Variants in LRCH1 observed in about 807,000 individuals in gnomAD.
The protein encoded by LRCH1 is leucine-rich repeat and calponin homology domain-containing protein 1.
A neutral mutation model predicts 94.9 loss-of-function variants in LRCH1; 23 were observed. The observed-to-expected ratio is 0.24, with a 90% CI of 0.17 to 0.34. The LOEUF is 0.34. Among genes scored for constraint, LRCH1 ranks in the 10% least tolerant of loss-of-function variants. The probability of loss-of-function intolerance (pLI) is 1.00; values close to 1 mark genes in which losing one functional copy is unlikely to be tolerated. For missense variants in LRCH1, 790 were observed against 945.9 expected (o/e 0.84, Z 2.16); for synonymous variants, 364 against 354.9 (o/e 1.03, Z -0.29).
Position 46,702,224 on chromosome 13 carries a change from A to C in LRCH1, c.1400+1017A>C, listed in dbSNP as rs574865014. On this transcript the variant is annotated intron_variant, in intron 11 of 19. Transcript: ENST00000389797. The stretch of plus-strand genomic sequence containing the variant: ...GAGAAGTTATAAGTGTAACTGGGCC[A>C]GGCGCGGTGGCTCACACCTGTGATC... Among the ~76,000 whole-genome samples the C allele has an allele frequency of 3.3e-5, 5 of 152,224 alleles. No individual in the cohort carries two copies. The South Asian group carries it at 1.0e-3, about 32-fold the overall frequency.
chr13:46,555,425 A>C (rs915650107), intron 1 of LRCH1, among the ~76,000 whole-genome samples: 1 of 152,218 alleles, frequency 6.6e-6, no homozygotes, highest in African/African-American at 2.4e-5. Context: ...TTATTTACAA[A>C]GTTAGGTGAA....
intron 4 of LRCH1, among the ~76,000 whole-genome samples, chr13:46,682,134 G>A (rs1459860583): frequency 6.6e-6 from 1 of 152,116 alleles, no homozygotes; most frequent in African/African-American, 2.4e-5. Flanking sequence ...CTATAACAAA[G>A]AACCACAGAT....
At chr13:46,616,646 A>G (rs1307201213) in intron 1 of LRCH1, among the ~76,000 whole-genome samples, 1 of 152,258 alleles carries the variant, frequency 6.6e-6, no homozygotes, top group African/African-American at 2.4e-5. Flanking sequence ...TTATTTCTGC[A>G]TGAAGGCAAC....
chr13:46,584,588 A>T (rs1164788616), intron 1 of LRCH1, among the ~76,000 whole-genome samples: 1 of 152,176 alleles, frequency 6.6e-6, no homozygotes, highest in Non-Finnish European at 1.5e-5. Flanking sequence ...TCCCATGATG[A>T]TGCAGAGCCC....
intron 19 of LRCH1, among the ~76,000 whole-genome samples, chr13:46,741,065 C>G (rs1043234822): frequency 6.6e-6 from 1 of 152,072 alleles, no homozygotes; most frequent in African/African-American, 2.4e-5. Context: ...ATGTAATGTA[C>G]TTTCTGACAC....
chr13:46,582,510 G>T (rs2050382091), intron 1 of LRCH1, among the ~76,000 whole-genome samples: 1 of 148,848 alleles, frequency 6.7e-6, no homozygotes, highest in Non-Finnish European at 1.5e-5. Context: ...TTGACACAGG[G>T]TCTCATTCTG....
intron 1 of LRCH1, among the ~76,000 whole-genome samples, chr13:46,577,912 T>G (rs1397961370): frequency 1.3e-5 from 2 of 152,218 alleles, no homozygotes; most frequent in African/African-American, 4.8e-5. Context: ...TCTCCTTGGT[T>G]CTGCTCCTGT....
chr13:46,681,049 C>A (rs2051744022), intron 3 of LRCH1, among the ~76,000 whole-genome samples: 1 of 152,152 alleles, frequency 6.6e-6, no homozygotes, highest in Admixed American at 6.5e-5. Context: ...TCAAGGCCTC[C>A]ATTTCTCATG....
At chr13:46,668,930 C>A in intron 2 of LRCH1, 100 bp from the exon 3 acceptor site, 1 of 1,278,646 alleles carries the variant, frequency 7.8e-7, no homozygotes. Context: ...AAAATGTCTT[C>A]TCAGATCACT....
chr13:46,652,401 T>TG lies in LRCH1; in HGVS notation c.452+2056_452+2057insG, dbSNP rs967843384. On this transcript the variant is annotated intron_variant, in intron 2 of 19. Transcript: ENST00000389797. ...AAGTGTATTTGTTTTTTTTGTTTTT[T>TG]TTTTTGTCAGGGTTGAAAAAAATCC... 3.7e-3 allele frequency among the ~76,000 whole-genome samples: 562 copies of TG among 151,810 alleles called. 4 individuals carry two copies. Among genetic ancestry groups the TG allele is most frequent in the African/African-American group, 0.013 (542 of 41,408 alleles).
chr13:46,588,339 T>A (rs2050457117), intron 1 of LRCH1, among the ~76,000 whole-genome samples: 1 of 152,222 alleles, frequency 6.6e-6, no homozygotes, highest in South Asian at 2.1e-4. Flanking sequence ...TTAGCCTGAT[T>A]AGATGTCTTT....
chr13:46,726,241 G>A (rs1872808974), intron 17 of LRCH1, among the ~76,000 whole-genome samples: 1 of 152,068 alleles, frequency 6.6e-6, no homozygotes, highest in Non-Finnish European at 1.5e-5. Context: ...AAAATCCCTA[G>A]ACATACATAA....
Position 46,742,797 on chromosome 13 carries a change from CT to C in LRCH1, c.*951del. On this transcript the variant is annotated 3_prime_UTR_variant, in exon 20 of 20. Transcript: ENST00000389797. ...CCGTGGAACATTCTTGGTCCTGGTGCTTGGGTTATGATGGCAGGAGTCAAGA... is the reference window on the plus strand; with the variant it reads ...CCGTGGAACATTCTTGGTCCTGGTGCTGGGTTATGATGGCAGGAGTCAAGA... 9 of 985,268 alleles carry C rather than the reference CT, an allele frequency of 9.1e-6. No homozygotes were observed. The highest frequency in any genetic ancestry group is 1.1e-5 in the Non-Finnish European group (9 of 829,872). 61.0% of individuals were successfully genotyped at this position (985,268 alleles called of 1,614,324 possible).
intron 16 of LRCH1, among the ~76,000 whole-genome samples, chr13:46,717,123 C>A (rs1014626528): frequency 1.3e-5 from 2 of 151,638 alleles, no homozygotes; most frequent in African/African-American, 2.4e-5. Context: ...TCTTTATAGA[C>A]GAACAGACTA....
Position 46,728,027 on chromosome 13 carries a change from C to T in LRCH1, c.1870-820C>T, listed in dbSNP as rs1267194662. Among the ~76,000 whole-genome samples, 13 of 152,038 alleles carry T rather than the reference C, an allele frequency of 8.6e-5. No individual in the cohort carries two copies. The East Asian group carries it at 9.7e-4, about 11-fold the overall frequency. On this transcript the variant is annotated intron_variant, in intron 17 of 19. Coordinates refer to ENST00000389797, the MANE Select transcript of LRCH1 (RefSeq NM_001164211.2). ...CATCTCCTGAGTTCAAGACATCCTC[C>T]CACCTCAGTCCCCCAAGTAGCTGGG...
intron 11 of LRCH1, 88 bp downstream of exon 11, chr13:46,701,295 C>A: frequency 2.1e-6 from 2 of 937,288 alleles, no homozygotes; most frequent in Non-Finnish European, 3.3e-6. Context: ...AAAATACCTA[C>A]ACAGACGATT....
chr13:46,684,531 C>G (rs1001877169), intron 4 of LRCH1, among the ~76,000 whole-genome samples: 3 of 152,104 alleles, frequency 2.0e-5, no homozygotes, highest in Non-Finnish European at 4.4e-5. Flanking sequence ...TTAAATTTTT[C>G]CAGTGATTTG....
intron 1 of LRCH1, among the ~76,000 whole-genome samples, chr13:46,584,961 A>G (rs2050414129): frequency 1.7e-5 from 1 of 57,872 alleles, no homozygotes; most frequent in Admixed American, 2.4e-4. Flanking sequence ...TCCTTTCTCA[A>G]ACTACTTTCA....
chr13:46,619,690 C>T (rs9526205), intron 1 of LRCH1, among the ~76,000 whole-genome samples: 8,557 of 152,202 alleles, frequency 0.056, 402 homozygotes, highest in East Asian at 0.25. Context: ...GGTGGGCATT[C>T]GGATGAAGAG....
Sources: gnomAD v4.1 joint callset for allele counts (sites outside exome capture counted in the v4.1 genomes callset) on GRCh38, gnomAD v4.1.1 for gene constraint, MANE v1.5 for transcripts, NCBI Gene and HGNC (gene_info 2026-07-23, HGNC 2026-07-21) for gene names.